Variants in HECW1 observed in about 807,000 individuals in gnomAD.
The protein encoded by HECW1 is E3 ubiquitin-protein ligase HECW1.
Under a neutral mutation model 182.3 loss-of-function variants are expected in HECW1, and 61 were observed. That is an observed-to-expected ratio of 0.33 (90% confidence interval 0.27 to 0.41). The LOEUF is 0.41. Ranked by LOEUF, HECW1 falls within the 10% of genes least tolerant of loss-of-function variation. The pLI is 1.00. For missense variants in HECW1, 1,739 were observed against 2,108.9 expected (o/e 0.82, Z 3.44); for synonymous variants, 859 against 832.6 (o/e 1.03, Z -0.55).
At chr7:43,544,410 G>A (rs939459156) in intron 26 of HECW1, among the ~76,000 whole-genome samples, 5 of 152,114 alleles carry the variant, frequency 3.3e-5, no homozygotes, top group African/African-American at 7.2e-5. Flanking sequence ...ATAAATTAAC[G>A]CTATAGTGAG....
At chr7:43,461,302 C>T (rs564080148) in intron 13 of HECW1, among the ~76,000 whole-genome samples, 1 of 152,328 alleles carries the variant, frequency 6.6e-6, no homozygotes, top group East Asian at 1.9e-4. Context: ...TTCCACGAGG[C>T]CTGGGCCACC....
intron 3 of HECW1, among the ~76,000 whole-genome samples, chr7:43,246,181 T>C (rs1799364580): frequency 6.6e-6 from 1 of 151,926 alleles, no homozygotes; most frequent in Non-Finnish European, 1.5e-5. Context: ...TGTGTGCCTG[T>C]AGTCCCAGCT....
intron 29 of HECW1, among the ~76,000 whole-genome samples, chr7:43,556,688 A>G (rs866350966): frequency 1.9e-4 from 25 of 131,932 alleles, no homozygotes; most frequent in African/African-American, 5.6e-4. Flanking sequence ...ACCTTGTCTC[A>G]AATTAAATTA....
intron 2 of HECW1, among the ~76,000 whole-genome samples, chr7:43,189,918 C>CTT (rs1465816456): frequency 6.6e-6 from 1 of 151,996 alleles, no homozygotes; most frequent in Non-Finnish European, 1.5e-5. Context: ...AATCTCGGGG[C>CTT]TTTTTGTGTA....
intron 19 of HECW1, among the ~76,000 whole-genome samples, chr7:43,496,165 C>T (rs868255980): frequency 6.8e-6 from 1 of 147,954 alleles, no homozygotes; most frequent in South Asian, 2.2e-4. Flanking sequence ...AATCAGGCCA[C>T]GTTGGAATTG....
intron 3 of HECW1, chr7:43,249,253 C>G (rs1799778568): frequency 6.6e-6 from 1 of 152,510 alleles, no homozygotes; most frequent in African/African-American, 2.4e-5. Context: ...TAAAACTGTC[C>G]TGGTGAGTCG....
At chr7:43,120,031 T>C (rs1437817149) in intron 2 of HECW1, among the ~76,000 whole-genome samples, 1 of 152,194 alleles carries the variant, frequency 6.6e-6, no homozygotes, top group Non-Finnish European at 1.5e-5. Context: ...GTGCCAGGCA[T>C]TGGTTTAGGT....
At chr7:43,295,958 C>A (rs1293089159) in intron 3 of HECW1, among the ~76,000 whole-genome samples, 5 of 152,172 alleles carry the variant, frequency 3.3e-5, no homozygotes, top group Non-Finnish European at 7.3e-5. Context: ...TAGATATTTT[C>A]ATTGGCCCAT....
At chr7:43,277,614 A>T (rs1403452170) in intron 3 of HECW1, among the ~76,000 whole-genome samples, 1 of 152,072 alleles carries the variant, frequency 6.6e-6, no homozygotes, top group African/African-American at 2.4e-5. Context: ...CCTCAGTTAG[A>T]CCATTTCCGT....
Position 43,172,924 on chromosome 7 carries a change from C to T in HECW1, c.-32+58533C>T, listed in dbSNP as rs1044913104. On this transcript the variant is annotated intron_variant, in intron 2 of 29. Coordinates refer to ENST00000395891, the MANE Select transcript of HECW1 (RefSeq NM_015052.5). ...ACATACAGCTAGACCATTTCACATT[C>T]GTTTGCCTTTGTCTAGCCCTTGAAT... Among the ~76,000 whole-genome samples, 6 of 152,330 alleles carry T rather than the reference C, an allele frequency of 3.9e-5. No individual in the cohort carries two copies. In the East Asian group the frequency reaches 1.2e-3, roughly 29 times the overall value.
rs371807557 is a variant in HECW1, at chr7:43,361,039, A to G, written c.555+59A>G. The G allele has an allele frequency of 2.6e-4, 321 of 1,227,924 alleles. 1 individual carries two copies. In the African/African-American group the frequency reaches 4.7e-3, roughly 18 times the overall value. The allele number at this position is 1,227,924 out of a possible 1,614,324, so 76.1% of individuals were successfully genotyped here. ...AACTCTGGTCTTTCTTCACTTTCCT[A>G]TTTTGTTCTTGTGCGTGCGTGTGTG... On this transcript the variant is annotated intron_variant, in intron 6 of 29. Coordinates refer to ENST00000395891, the MANE Select transcript of HECW1 (RefSeq NM_015052.5).
intron 2 of HECW1, among the ~76,000 whole-genome samples, chr7:43,138,986 T>G (rs1016029286): frequency 6.6e-6 from 1 of 151,096 alleles, no homozygotes; most frequent in African/African-American, 2.5e-5. Flanking sequence ...CTGGTTTTTT[T>G]GTTTGTTTGT....
intron 2 of HECW1, among the ~76,000 whole-genome samples, chr7:43,217,748 C>G (rs926113689): frequency 6.6e-6 from 1 of 152,222 alleles, no homozygotes; most frequent in African/African-American, 2.4e-5. Flanking sequence ...TTACACAGCT[C>G]TTGGCGTATG....
At chr7:43,316,089 G>T (rs1459069738) in intron 4 of HECW1, among the ~76,000 whole-genome samples, 1 of 152,212 alleles carries the variant, frequency 6.6e-6, no homozygotes, top group East Asian at 1.9e-4. Context: ...CAAATCCAGA[G>T]AAAATATATT....
chr7:43,525,300 C>A (rs185199245), intron 24 of HECW1, among the ~76,000 whole-genome samples: 189 of 152,260 alleles, frequency 1.2e-3, no homozygotes, highest in African/African-American at 4.3e-3. Flanking sequence ...TCCATGAAAT[C>A]AGTTCATTTC....
intron 2 of HECW1, among the ~76,000 whole-genome samples, chr7:43,205,591 T>C (rs1020683399): frequency 1.3e-5 from 2 of 152,192 alleles, no homozygotes; most frequent in South Asian, 2.1e-4. Flanking sequence ...TGTCCCAACA[T>C]TGGCAGTTAA....
At chr7:43,256,609 C>CAAAAA (rs756396122) in intron 3 of HECW1, among the ~76,000 whole-genome samples, 16 of 55,058 alleles carry the variant, frequency 2.9e-4, no homozygotes, top group East Asian at 6.4e-4. Context: ...AACTTCATCT[C>CAAAAA]AAAAAAAAAA....
At chr7:43,180,063 T>TG (rs59256596) in intron 2 of HECW1, among the ~76,000 whole-genome samples, 30,797 of 152,130 alleles carry the variant, frequency 0.2, 3,741 homozygotes, top group East Asian at 0.43. Flanking sequence ...CAACTGCACT[T>TG]GCCAGTTTAC....
chr7:43,336,116 T>C (rs1173308586), intron 5 of HECW1, among the ~76,000 whole-genome samples: 2 of 101,728 alleles, frequency 2.0e-5, no homozygotes, highest in Non-Finnish European at 2.0e-5. Context: ...CTTTCTTTCT[T>C]TCTTTCTTTC....
Sources: allele counts gnomAD v4.1 joint callset (sites outside exome capture counted in the v4.1 genomes callset), GRCh38; gene constraint gnomAD v4.1.1; transcripts MANE v1.5; gene names NCBI Gene and HGNC (gene_info 2026-07-23, HGNC 2026-07-21).